SLCO3A1: variants seen among roughly 807,000 people sequenced by gnomAD.
SLCO3A1 encodes the protein PGE1 transporter.
SLCO3A1 carries 27 observed loss-of-function variants against 63.1 expected under a neutral mutation model. The observed-to-expected ratio is 0.43, with a 90% CI of 0.32 to 0.59. SLCO3A1 has a LOEUF of 0.59. Ranked by LOEUF, SLCO3A1 falls within the 20% of genes least tolerant of loss-of-function variation. The probability of loss-of-function intolerance (pLI) is 0.09; values close to 1 mark genes in which losing one functional copy is unlikely to be tolerated. For synonymous variants in SLCO3A1, 473 were observed against 409.9 expected (o/e 1.15, Z -1.86); for missense variants, 773 against 945.8 (o/e 0.82, Z 2.40).
chr15:92,031,192 G>A (rs1322741531), intron 2 of SLCO3A1, among the ~76,000 whole-genome samples: 5 of 151,992 alleles, frequency 3.3e-5, no homozygotes, highest in Admixed American at 1.3e-4. Context: ...AAAGACAAAA[G>A]ACATCAATAG....
chr15:92,166,107 C>T (rs1417317136), downstream of SLCO3A1, among the ~76,000 whole-genome samples: 1 of 152,096 alleles, frequency 6.6e-6, no homozygotes, highest in East Asian at 1.9e-4. Context: ...ATGAAGTAAG[C>T]ACATTTTGCA....
At chr15:92,093,326 G>A (rs558595075) in intron 2 of SLCO3A1, among the ~76,000 whole-genome samples, 1 of 152,336 alleles carries the variant, frequency 6.6e-6, no homozygotes, top group East Asian at 1.9e-4. Flanking sequence ...GCCAGAGCAA[G>A]AGGGAGAAGG....
At chr15:92,078,953 T>C (rs2047310774) in intron 2 of SLCO3A1, among the ~76,000 whole-genome samples, 1 of 152,222 alleles carries the variant, frequency 6.6e-6, no homozygotes, top group Admixed American at 6.5e-5. Context: ...TCATCTGCCA[T>C]ACTCGAGCTT....
intron 2 of SLCO3A1, among the ~76,000 whole-genome samples, chr15:91,922,547 C>T (rs1157719296): frequency 6.6e-6 from 1 of 152,150 alleles, no homozygotes; most frequent in East Asian, 1.9e-4. Flanking sequence ...CTTTCAGAGC[C>T]CTGGGAGCAA....
At chr15:92,058,948 G>A (rs973406278) in intron 2 of SLCO3A1, among the ~76,000 whole-genome samples, 1 of 152,162 alleles carries the variant, frequency 6.6e-6, no homozygotes, top group Admixed American at 6.5e-5. Context: ...ATCAGTCATT[G>A]TATTTAGAGC....
At chr15:91,864,483 T>C (rs1469862930) in intron 1 of SLCO3A1, among the ~76,000 whole-genome samples, 1 of 143,442 alleles carries the variant, frequency 7.0e-6, no homozygotes, top group Non-Finnish European at 1.5e-5. Context: ...TCTTTTAAAA[T>C]GTTCCTCTTT....
intron 2 of SLCO3A1, among the ~76,000 whole-genome samples, chr15:92,065,392 A>G (rs1013575956): frequency 2.0e-5 from 3 of 152,164 alleles, no homozygotes; most frequent in Non-Finnish European, 4.4e-5. Context: ...CCGGCCATTT[A>G]CCCAGATTTG....
At chr15:91,953,124 A>G (rs1365560205) in intron 2 of SLCO3A1, among the ~76,000 whole-genome samples, 1 of 152,224 alleles carries the variant, frequency 6.6e-6, no homozygotes, top group Non-Finnish European at 1.5e-5. Flanking sequence ...AGGCTTCCTT[A>G]ATCCTGGAAA....
At chr15:91,994,344 GTTTTAC>G (rs2046164521) in intron 2 of SLCO3A1, among the ~76,000 whole-genome samples, 1 of 151,964 alleles carries the variant, frequency 6.6e-6, no homozygotes, top group Non-Finnish European at 1.5e-5. Context: ...TTGTAAAAAT[GTTTTAC>G]TTTTAATTTT....
Position 91,968,235 on chromosome 15 carries a change from C to T in SLCO3A1, c.646+51777C>T, listed in dbSNP as rs1177983528. On this transcript the variant is annotated intron_variant, in intron 2 of 9. Coordinates refer to ENST00000318445, the MANE Select transcript of SLCO3A1 (RefSeq NM_013272.4). The surrounding 1 kb of genome is among the most constrained non-coding windows in gnomAD (Gnocchi z 4.2). ...CAGAGACTGGAAAAGTCTGTATGCC[C>T]CCTCCCTACCTTACAGTCTTTTACT... Among the ~76,000 whole-genome samples the T allele has an allele frequency of 1.3e-5, 2 of 152,050 alleles. No homozygotes were observed. The highest frequency in any genetic ancestry group is 3.9e-4 in the East Asian group (2 of 5,170).
Position 91,894,669 on chromosome 15 carries a change from TTGGTAAAA to T in SLCO3A1, c.181-21321_181-21314del. On this transcript the variant is annotated intron_variant, in intron 1 of 9. Transcript: ENST00000318445. The surrounding 1 kb of genome is among the most constrained non-coding windows in gnomAD (Gnocchi z 4.8). ...ATGTTCATATGTACCACTGGGGATC[TTGGTAAAA>T]TGTAGAATTTGACTCTGTGGGTCTG... Among the ~76,000 whole-genome samples, 1 of 152,240 alleles carries T rather than the reference TTGGTAAAA, an allele frequency of 6.6e-6. No homozygotes were observed. The highest frequency in any genetic ancestry group is 1.9e-4 in the East Asian group (1 of 5,202).
At chr15:91,867,526 TAAAA>T (rs1458807886) in intron 1 of SLCO3A1, among the ~76,000 whole-genome samples, 1 of 151,472 alleles carries the variant, frequency 6.6e-6, no homozygotes, top group Non-Finnish European at 1.5e-5. Flanking sequence ...TTTTTTTAAA[TAAAA>T]CCACTTTTGC....
At chr15:91,940,302 T>G (rs1228785912) in intron 2 of SLCO3A1, among the ~76,000 whole-genome samples, 1 of 152,082 alleles carries the variant, frequency 6.6e-6, no homozygotes, top group African/African-American at 2.4e-5. Flanking sequence ...ATCCAATAGA[T>G]GACAATGTTT....
chr15:92,051,682 G>A (rs2046959032), intron 2 of SLCO3A1, among the ~76,000 whole-genome samples: 1 of 152,132 alleles, frequency 6.6e-6, no homozygotes, highest in Admixed American at 6.5e-5. Context: ...ACAGCTACGT[G>A]ACCGTCTTGT....
intron 9 of SLCO3A1, 112 bp downstream of exon 9, chr15:92,151,126 T>TTTAA (rs1388667863): frequency 1.3e-6 from 1 of 785,176 alleles, no homozygotes; most frequent in Admixed American, 3.2e-5. Context: ...TTCTTTGCAG[T>TTTAA]TTAATTATTA....
At chr15:91,939,156 C>T (rs975558278) in intron 2 of SLCO3A1, among the ~76,000 whole-genome samples, 10 of 152,070 alleles carry the variant, frequency 6.6e-5, no homozygotes, top group Non-Finnish European at 1.5e-4. Context: ...TCTGGGGAGG[C>T]CTCTGGGAAG....
At position 91,860,727 on chromosome 15, in the gene SLCO3A1, G is replaced by A. The variant is rs1055365167; in HGVS notation, c.180+6639G>A. On this transcript the variant is annotated intron_variant, in intron 1 of 9. Coordinates refer to ENST00000318445, the MANE Select transcript of SLCO3A1 (RefSeq NM_013272.4). The surrounding 1 kb of genome is among the most constrained non-coding windows in gnomAD (Gnocchi z 5.5). ...CCCTCCAGGCAGCCTTGTTTAAAACGTGCCTTCGCAGAGCTCAGCCTTGGT... is the reference window on the plus strand; with the variant it reads ...CCCTCCAGGCAGCCTTGTTTAAAACATGCCTTCGCAGAGCTCAGCCTTGGT... Among the ~76,000 whole-genome samples, 2 of 152,218 alleles carry A rather than the reference G, an allele frequency of 1.3e-5. No homozygotes were observed. Among genetic ancestry groups the A allele is most frequent in the Non-Finnish European group, 2.9e-5 (2 of 68,042 alleles).
At position 92,162,740 on chromosome 15, in the gene SLCO3A1, C is replaced by G. The variant is rs745672224; in HGVS notation, c.1754-16C>G. On this transcript the variant is annotated splice_polypyrimidine_tract_variant and intron_variant, in intron 9 of 9. Transcript: ENST00000318445. Reference sequence around the variant, plus strand: ...CCACCAGATCCAGAACCTTAACATTCTTTTCCCGGTAACAGGCTTCATCCC... The same window carrying G: ...CCACCAGATCCAGAACCTTAACATTGTTTTCCCGGTAACAGGCTTCATCCC... 4.4e-6 allele frequency: 7 copies of G among 1,599,438 alleles called. No individual in the cohort carries two copies. The African/African-American group carries it at 8.0e-5, about 18-fold the overall frequency.
In SLCO3A1 at chr15:92,144,268, T is replaced by C. The variant is rs1473972882; in HGVS notation, c.1513-2716T>C. Among the ~76,000 whole-genome samples the C allele has an allele frequency of 2.0e-5, 3 of 151,728 alleles. No individual in the cohort carries two copies. The East Asian group carries it at 5.8e-4, about 29-fold the overall frequency. ...ATATACATGATGTATACACAGGAGA[T>C]AGCCAGAGAAATGAGAGCATCTCAG... On this transcript the variant is annotated intron_variant, in intron 7 of 9. Coordinates refer to ENST00000318445, the MANE Select transcript of SLCO3A1 (RefSeq NM_013272.4).
Sources: gnomAD v4.1 joint callset for allele counts (sites outside exome capture counted in the v4.1 genomes callset) on GRCh38, gnomAD v4.1.1 for gene constraint, Gnocchi (gnomAD v3.1) non-coding constraint, MANE v1.5 for transcripts, NCBI Gene and HGNC (gene_info 2026-07-23, HGNC 2026-07-21) for gene names.